The following SPECC1 variants were observed in gnomAD, a reference collection of about 807,000 sequenced individuals.
SPECC1 encodes the protein cytospin-B.
Under a neutral mutation model 104.1 loss-of-function variants are expected in SPECC1, and 62 were observed. The ratio of observed to expected loss-of-function variants is 0.60; its 90% confidence interval spans 0.49 to 0.74. The LOEUF (loss-of-function observed/expected upper bound fraction) is 0.74. SPECC1 is among the 30% of genes least tolerant of loss of function. The pLI, the probability that SPECC1 is intolerant of heterozygous loss-of-function variation, is 0.00. For synonymous variants in SPECC1, 513 were observed against 501.6 expected, an observed-to-expected ratio of 1.02 and a Z score of -0.30; for missense variants, 1,306 against 1,310.5, an observed-to-expected ratio of 1.00 and a Z score of 0.05.
chr17:20,031,764 T>C (rs2044823996), intron 1 of SPECC1, among the ~76,000 whole-genome samples: 1 of 152,242 alleles, frequency 6.6e-6, no homozygotes, highest in Non-Finnish European at 1.5e-5. Context: ...GTATTTGTCC[T>C]TTTGTGGCTG....
At chr17:20,169,419 G>A (rs1183922608) in intron 3 of SPECC1, among the ~76,000 whole-genome samples, 10 of 152,046 alleles carry the variant, frequency 6.6e-5, no homozygotes, top group African/African-American at 2.4e-4. Context: ...TGCCTTTTGG[G>A]CATTCACACA....
chr17:20,171,765 G>T (rs1255986451), intron 3 of SPECC1, among the ~76,000 whole-genome samples: 1 of 152,042 alleles, frequency 6.6e-6, no homozygotes, highest in East Asian at 1.9e-4. Flanking sequence ...GCTCAGGCTG[G>T]TCTCATCCCT....
chr17:20,161,729 T>G (rs2033168795), intron 3 of SPECC1, among the ~76,000 whole-genome samples: 1 of 152,192 alleles, frequency 6.6e-6, no homozygotes, highest in Non-Finnish European at 1.5e-5. Flanking sequence ...AGAGGGAATT[T>G]CTTTTTTCTT....
chr17:20,089,322 A>G (rs573318961), intron 1 of SPECC1, among the ~76,000 whole-genome samples: 1 of 152,354 alleles, frequency 6.6e-6, no homozygotes, highest in African/African-American at 2.4e-5. Context: ...GCTAAATGTT[A>G]GCTTAAAAAT....
At chr17:20,190,747 G>A (rs1278946190) in intron 3 of SPECC1, among the ~76,000 whole-genome samples, 2 of 152,142 alleles carry the variant, frequency 1.3e-5, no homozygotes, top group African/African-American at 4.8e-5. Flanking sequence ...GGGCCTTGCT[G>A]TCTTGCCCAG....
chr17:20,250,301 A>C (rs2039573832), intron 9 of SPECC1, among the ~76,000 whole-genome samples: 2 of 152,242 alleles, frequency 1.3e-5, no homozygotes, highest in Non-Finnish European at 2.9e-5. Flanking sequence ...GGATACTTGC[A>C]GTGAAAAGAC....
intron 1 of SPECC1, among the ~76,000 whole-genome samples, chr17:20,033,848 T>C (rs1276305669): frequency 2.2e-4 from 34 of 152,168 alleles, no homozygotes; most frequent in Admixed American, 2.2e-3. Flanking sequence ...CCTAACAGGG[T>C]TAAACCCCTT....
At chr17:20,060,891 T>A (rs2046161165) in intron 1 of SPECC1, among the ~76,000 whole-genome samples, 1 of 152,218 alleles carries the variant, frequency 6.6e-6, no homozygotes, top group Non-Finnish European at 1.5e-5. Context: ...TGCATACATA[T>A]TACGAAAATA....
chr17:20,180,032 G>A (rs771148585), intron 3 of SPECC1, among the ~76,000 whole-genome samples: 26 of 152,108 alleles, frequency 1.7e-4, no homozygotes, highest in Non-Finnish European at 3.4e-4. Flanking sequence ...TGGGACTGGG[G>A]GGCATGGTTA....
intron 13 of SPECC1, among the ~76,000 whole-genome samples, chr17:20,298,921 AAGAGAG>A (rs370856374): frequency 4.0e-4 from 29 of 72,790 alleles, no homozygotes; most frequent in Admixed American, 8.5e-4. Context: ...GCAGAACCAA[AAGAGAG>A]AGAGAGAGAG....
intron 4 of SPECC1, among the ~76,000 whole-genome samples, chr17:20,218,551 C>G (rs1470426915): frequency 6.6e-6 from 1 of 152,192 alleles, no homozygotes; most frequent in Non-Finnish European, 1.5e-5. Context: ...ACAGGCAGGG[C>G]TCTCTGGCTG....
intron 3 of SPECC1, chr17:20,111,815 G>T (rs540969615): frequency 9.6e-6 from 8 of 832,072 alleles, no homozygotes; most frequent in Middle Eastern, 3.6e-4. Flanking sequence ...CCAGGGGGGG[G>T]GCAGCGCGAT....
At chr17:20,233,239 A>G (rs938441024) in intron 7 of SPECC1, among the ~76,000 whole-genome samples, 5 of 152,220 alleles carry the variant, frequency 3.3e-5, no homozygotes, top group African/African-American at 1.2e-4. Context: ...GTCTTTTTAG[A>G]TCAAATTTCC....
chr17:20,289,441 A>G (rs1362154838), intron 12 of SPECC1, among the ~76,000 whole-genome samples: 3 of 152,116 alleles, frequency 2.0e-5, no homozygotes, highest in African/African-American at 7.2e-5. Context: ...AGCTGGTACT[A>G]TAGGTGCACA....
Position 20,019,207 on chromosome 17 carries a change from C to CATTT in SPECC1, c.-22+9786_-22+9787insTATT, listed in dbSNP as rs751117883. On this transcript the variant is annotated intron_variant, in intron 1 of 14. Transcript: ENST00000395527. ...GCCTGGCCAATACAGAAGACCCTAT[C>CATTT]ATTCATTTATTTATTTATTTATTTA... 6.4e-3 allele frequency among the ~76,000 whole-genome samples: 813 copies of CATTT among 127,260 alleles called. 3 individuals carry two copies. Among genetic ancestry groups the CATTT allele is most frequent in the East Asian group, 0.026 (91 of 3,434 alleles). 83.5% of individuals were successfully genotyped at this position (127,260 alleles called of 152,430 possible).
chr17:20,204,230 C>A, intron 3 of SPECC1, 103 bp from the exon 4 acceptor site: 1 of 1,361,372 alleles, frequency 7.3e-7, no homozygotes, highest in Non-Finnish European at 1.0e-6. Flanking sequence ...GGATGAAGAG[C>A]GACAGCCACT....
At chr17:20,213,642 T>A (rs1404386003) in intron 4 of SPECC1, among the ~76,000 whole-genome samples, 2 of 152,192 alleles carry the variant, frequency 1.3e-5, no homozygotes, top group African/African-American at 2.4e-5. Flanking sequence ...GACCTCTACC[T>A]GAGTCTTGAG....
intron 3 of SPECC1, among the ~76,000 whole-genome samples, chr17:20,197,716 G>C (rs780816093): frequency 6.6e-6 from 1 of 152,110 alleles, no homozygotes; most frequent in African/African-American, 2.4e-5. Flanking sequence ...TTTTTTGTTT[G>C]TTTCAGGGAT....
chr17:20,075,633 T>G (rs2046730048), intron 1 of SPECC1, among the ~76,000 whole-genome samples: 1 of 151,980 alleles, frequency 6.6e-6, no homozygotes, highest in South Asian at 2.1e-4. Context: ...AAGGCCACTG[T>G]CTCCAAAATT....
Sources: allele counts gnomAD v4.1 joint callset (sites outside exome capture counted in the v4.1 genomes callset), GRCh38; gene constraint gnomAD v4.1.1; transcripts MANE v1.5; gene names NCBI Gene and HGNC (gene_info 2026-07-23, HGNC 2026-07-21).